The following ZC3H3 variants were observed in gnomAD, a reference collection of about 807,000 sequenced individuals.
The protein encoded by ZC3H3 is zinc finger CCCH domain-containing protein 3.
In ZC3H3, 36 loss-of-function variants were observed where a neutral mutation model predicts 77.3. The ratio of observed to expected loss-of-function variants is 0.47; its 90% CI spans 0.36 to 0.61. ZC3H3 has a LOEUF of 0.61. Ranked by LOEUF, ZC3H3 falls within the 20% of genes least tolerant of loss-of-function variation. The pLI, the probability that ZC3H3 is intolerant of heterozygous loss-of-function variation, is 0.00. For missense variants in ZC3H3, 1,331 were observed against 1,312.2 expected (o/e 1.01, Z -0.22); for synonymous variants, 626 against 555.2 (o/e 1.13, Z -1.79).
rs1172463605 is a variant in ZC3H3 at position 143,530,065 on chromosome 8, C to T, written c.1561+6192G>A. On this transcript the variant is annotated intron_variant, in intron 3 of 11. Coordinates refer to ENST00000262577, the MANE Select transcript of ZC3H3 (RefSeq NM_015117.3). The surrounding 1 kb of genome is among the most constrained non-coding windows in gnomAD (Gnocchi z 4.3). ...GGCAGACTGAGGGACGGGTAGGAATCGCCCTCCGTGTGTACAGCAAGCTCT... is the reference window on the plus strand; with the variant it reads ...GGCAGACTGAGGGACGGGTAGGAATTGCCCTCCGTGTGTACAGCAAGCTCT... Among the ~76,000 whole-genome samples, 1 of 152,224 alleles carries T rather than the reference C, an allele frequency of 6.6e-6. No homozygotes were observed. The highest frequency in any genetic ancestry group is 6.5e-5 in the Admixed American group (1 of 15,282).
rs1483634228 is a variant in ZC3H3, at chr8:143,493,196, G to A, written c.1715+14550C>T. On this transcript the variant is annotated intron_variant, in intron 4 of 11. Transcript: ENST00000262577. This position sits in a 1 kb window ranked among gnomAD's most constrained non-coding sequence, Gnocchi z 4.8. ...CCTGGCCCAGGGGCTCCCTCCTCAG[G>A]GTCCCGTGTCCTGGCCCAGGGGCTC... 6.7e-6 allele frequency among the ~76,000 whole-genome samples: 1 copy of A among 148,822 alleles called. No individual in the cohort carries two copies. Among genetic ancestry groups the A allele is most frequent in the Non-Finnish European group, 1.5e-5 (1 of 67,008 alleles).
chr8:143,478,588 C>T (rs1820813501), intron 4 of ZC3H3, among the ~76,000 whole-genome samples: 1 of 152,264 alleles, frequency 6.6e-6, no homozygotes, highest in African/African-American at 2.4e-5. Context: ...CGGCTCACTG[C>T]AACCTCCGCC....
At chr8:143,454,104 G>C (rs1156942524) in intron 9 of ZC3H3, among the ~76,000 whole-genome samples, 1 of 149,256 alleles carries the variant, frequency 6.7e-6, no homozygotes, top group African/African-American at 2.5e-5. Flanking sequence ...TTCCCAGATG[G>C]AGTTTCACTC....
intron 5 of ZC3H3, among the ~76,000 whole-genome samples, chr8:143,469,834 A>G (rs965153702): frequency 6.6e-5 from 10 of 152,184 alleles, no homozygotes; most frequent in Admixed American, 4.6e-4. Flanking sequence ...AAATACGCGC[A>G]TGATCCTTCC....
intron 4 of ZC3H3, among the ~76,000 whole-genome samples, chr8:143,489,700 G>C (rs1398788186): frequency 6.6e-6 from 1 of 152,222 alleles, no homozygotes; most frequent in African/African-American, 2.4e-5. Flanking sequence ...TTAATGCTGA[G>C]ATTATATCTA....
chr8:143,539,505 G>T (rs1261835873), intron 1 of ZC3H3, among the ~76,000 whole-genome samples, 185 bp from the exon 2 acceptor site: 1 of 152,176 alleles, frequency 6.6e-6, no homozygotes, highest in Non-Finnish European at 1.5e-5. Context: ...CGTCACCTGG[G>T]CCTGTCGCTT....
At chr8:143,526,565 A>C (rs1822419563) in intron 3 of ZC3H3, among the ~76,000 whole-genome samples, 3 of 152,174 alleles carry the variant, frequency 2.0e-5, no homozygotes, top group Non-Finnish European at 4.4e-5. Flanking sequence ...GACTCTGACC[A>C]CACCCAGCTT....
At position 143,538,771 on chromosome 8, in the gene ZC3H3, G is replaced by A; in HGVS notation, c.596C>T (p.Pro199Leu). Residue 199 changes from proline to leucine, a missense_variant, in exon 2 of 12, where the codon CCC becomes CTC. Coordinates refer to ENST00000262577, the MANE Select transcript of ZC3H3 (RefSeq NM_015117.3). ...LLVCQKEPGKPRMVKSVGSVG... is the reference protein window; with the variant it reads ...LLVCQKEPGKLRMVKSVGSVG... ...ACTGCCCACTGACTTCACCATCCTG[G>A]GCTTACCAGGCTCCTTCTGGCAGAC... The A allele has an allele frequency of 6.2e-7, 1 of 1,611,908 alleles. No homozygotes were observed. The highest frequency in any genetic ancestry group is 8.5e-7 in the Non-Finnish European group (1 of 1,179,856).
intron 4 of ZC3H3, among the ~76,000 whole-genome samples, chr8:143,481,163 C>T (rs1820897061): frequency 1.3e-5 from 2 of 152,204 alleles, no homozygotes; most frequent in African/African-American, 4.8e-5. Context: ...AGATTGCAGG[C>T]AGCCCTGGGA....
At position 143,477,910 on chromosome 8, in the gene ZC3H3, C is replaced by T. The variant is rs368054111; in HGVS notation, c.1716-2325G>A. Among the ~76,000 whole-genome samples, 267 of 152,150 alleles carry T rather than the reference C, an allele frequency of 1.8e-3. 1 individual carries two copies. Among genetic ancestry groups the T allele is most frequent in the Non-Finnish European group, 2.1e-3 (145 of 68,012 alleles). On this transcript the variant is annotated intron_variant, in intron 4 of 11. Transcript: ENST00000262577. ...TGGGGCCAAAGCTAACTGTGGTCCT[C>T]GCCCCGGAAAGGCTGCTCAGGGCCA...
At chr8:143,506,960 C>T (rs1411613008) in intron 4 of ZC3H3, among the ~76,000 whole-genome samples, 2 of 152,266 alleles carry the variant, frequency 1.3e-5, no homozygotes, top group African/African-American at 4.8e-5. Flanking sequence ...CCACGCCACT[C>T]CCCCAGGAGC....
chr8:143,532,204 C>T (rs1181371921), intron 3 of ZC3H3, among the ~76,000 whole-genome samples: 1 of 148,268 alleles, frequency 6.7e-6, no homozygotes, highest in Non-Finnish European at 1.5e-5. Context: ...TATCTGCTTT[C>T]TTTCACATAA....
In ZC3H3 at chr8:143,539,050, G is replaced by C. The variant is rs758428820; in HGVS notation, c.317C>G (p.Pro106Arg). Residue 106 changes from proline (P) to arginine (R), a missense_variant, in exon 2 of 12, where the codon CCG becomes CGG. Transcript: ENST00000262577. Reference protein sequence around the residue: ...HGARGGQPPVPQQHVLERQVQ... With the variant: ...HGARGGQPPVRQQHVLERQVQ... The stretch of plus-strand genomic sequence containing the variant: ...CTGTCTCTCAAGGACATGCTGCTGC[G>C]GGACAGGAGGCTGGCCCCCCCGGGC... The C allele has an allele frequency of 6.2e-7, 1 of 1,613,020 alleles. No homozygotes were observed. Among genetic ancestry groups the C allele is most frequent in the Middle Eastern group, 1.7e-4 (1 of 6,060 alleles).
chr8:143,439,667 C>G (rs1036657283), intron 11 of ZC3H3, among the ~76,000 whole-genome samples: 2 of 152,210 alleles, frequency 1.3e-5, no homozygotes, highest in Non-Finnish European at 2.9e-5. Context: ...CAGCGGCCAC[C>G]GCTACACTCG....
intron 3 of ZC3H3, among the ~76,000 whole-genome samples, chr8:143,518,533 C>A (rs1411966270): frequency 6.6e-6 from 1 of 152,264 alleles, no homozygotes; most frequent in Non-Finnish European, 1.5e-5. Flanking sequence ...TGCCAGGACT[C>A]CCCGGCCACA....
chr8:143,515,099 C>T (rs1168141056), intron 3 of ZC3H3, among the ~76,000 whole-genome samples: 1 of 152,244 alleles, frequency 6.6e-6, no homozygotes, highest in Non-Finnish European at 1.5e-5. Context: ...CTGCTGGGTT[C>T]CGAGAAACAT....
chr8:143,462,211 G>A lies in ZC3H3; in HGVS notation c.2307+3506C>T, dbSNP rs907674114. 6.6e-6 allele frequency among the ~76,000 whole-genome samples: 1 copy of A among 152,154 alleles called. No homozygotes were observed. Reference sequence around the variant, plus strand: ...TCGCCACGACCCTCTGAGATAGGCAGTGCCGTTATCCCGACTGTATATAAA... The same window carrying A: ...TCGCCACGACCCTCTGAGATAGGCAATGCCGTTATCCCGACTGTATATAAA... On this transcript the variant is annotated intron_variant, in intron 9 of 11. Coordinates refer to ENST00000262577, the MANE Select transcript of ZC3H3 (RefSeq NM_015117.3). The surrounding 1 kb of genome is among the most constrained non-coding windows in gnomAD (Gnocchi z 4.7).
intron 4 of ZC3H3, among the ~76,000 whole-genome samples, chr8:143,480,480 G>A (rs1418783896): frequency 1.3e-5 from 2 of 152,352 alleles, no homozygotes; most frequent in South Asian, 4.1e-4. Flanking sequence ...CCTCACCCCA[G>A]GCCACGTCAT....
chr8:143,467,174 T>A (rs554230293), intron 8 of ZC3H3, among the ~76,000 whole-genome samples: 4 of 152,166 alleles, frequency 2.6e-5, no homozygotes, highest in African/African-American at 9.7e-5. Context: ...GTTTTTGATA[T>A]AGAGCCCAAA....
Sources: allele counts gnomAD v4.1 joint callset (sites outside exome capture counted in the v4.1 genomes callset), GRCh38; gene constraint gnomAD v4.1.1; non-coding constraint Gnocchi (gnomAD v3.1); transcripts MANE v1.5; gene names NCBI Gene and HGNC (gene_info 2026-07-23, HGNC 2026-07-21).